SH3KBP1: variants seen among roughly 807,000 people sequenced by gnomAD.
SH3KBP1 encodes SH3 domain containing kinase binding protein 1, also known as SH3 domain-containing kinase-binding protein 1.
In SH3KBP1, 8 loss-of-function variants were observed where a neutral mutation model predicts 50.1. The ratio of observed to expected loss-of-function variants is 0.16; its 90% confidence interval spans 0.09 to 0.29. The LOEUF (loss-of-function observed/expected upper bound fraction) is 0.29. Ranked by LOEUF, SH3KBP1 falls within the 10% of genes least tolerant of loss-of-function variation. The pLI is 1.00. For synonymous variants in SH3KBP1, 227 were observed against 218.6 expected (o/e 1.04, Z -0.34); for missense variants, 377 against 535.2 (o/e 0.70, Z 2.92).
At chrX:19,671,266 TAGAG>T (rs1249015378) in intron 6 of SH3KBP1, among the ~76,000 whole-genome samples, 1 of 111,344 alleles carries the variant, frequency 9.0e-6, no homozygotes. Context: ...ATCACATGGC[TAGAG>T]AGTGAGGGAT....
At chrX:19,570,051 G>A (rs2065961586) in intron 12 of SH3KBP1, among the ~76,000 whole-genome samples, 3 of 112,126 alleles carry the variant, frequency 2.7e-5, no homozygotes, top group South Asian at 3.7e-4. Context: ...TCACCGCCCC[G>A]AAGGCCACCA....
chrX:19,551,272 G>C (rs1322982726), intron 13 of SH3KBP1, among the ~76,000 whole-genome samples: 1 of 111,211 alleles, frequency 9.0e-6, no homozygotes, highest in Non-Finnish European at 1.9e-5. Context: ...TTAACCATCC[G>C]CAGAGATGGC....
intron 2 of SH3KBP1, among the ~76,000 whole-genome samples, chrX:19,769,232 G>A (rs1175287212): frequency 1.9e-5 from 2 of 106,442 alleles, no homozygotes; most frequent in Admixed American, 1.0e-4. Context: ...CTACAGGCAT[G>A]CACCACCATG....
chrX:19,611,100 G>A (rs905020423), intron 8 of SH3KBP1, among the ~76,000 whole-genome samples: 15 of 110,633 alleles, frequency 1.4e-4, no homozygotes, highest in Non-Finnish European at 2.5e-4. Flanking sequence ...TGCCCAGGCT[G>A]GTCTTGAACT....
intron 2 of SH3KBP1, among the ~76,000 whole-genome samples, chrX:19,813,199 T>C (rs1229333369): frequency 9.3e-6 from 1 of 107,634 alleles, no homozygotes; most frequent in Non-Finnish European, 1.9e-5. Flanking sequence ...AGGAAAGAAC[T>C]AACTTGCACC....
intron 3 of SH3KBP1, among the ~76,000 whole-genome samples, chrX:19,731,001 G>A (rs1471717292): frequency 7.2e-5 from 8 of 111,531 alleles, no homozygotes; most frequent in Admixed American, 2.8e-4. Context: ...GTGCAATGGC[G>A]CAATCTCAGC....
At chrX:19,877,299 A>C (rs1280844445) in intron 1 of SH3KBP1, among the ~76,000 whole-genome samples, 1 of 112,015 alleles carries the variant, frequency 8.9e-6, no homozygotes, top group East Asian at 2.8e-4. Flanking sequence ...ACTTCTGTCA[A>C]GTGAATTTGA....
At chrX:19,735,673 A>G (rs1243921068) in intron 3 of SH3KBP1, among the ~76,000 whole-genome samples, 1 of 89,493 alleles carries the variant, frequency 1.1e-5, no homozygotes, top group Non-Finnish European at 2.1e-5. Context: ...TGGAGAATAT[A>G]CTTCGTATGA....
chrX:19,572,254 CAT>C (rs769190089), intron 12 of SH3KBP1, among the ~76,000 whole-genome samples: 18 of 104,156 alleles, frequency 1.7e-4, no homozygotes, highest in East Asian at 8.7e-4. Context: ...ATATAGAGTA[CAT>C]ATATGTTATA....
chrX:19,843,610 C>T (rs373861789), intron 1 of SH3KBP1, among the ~76,000 whole-genome samples: 1 of 111,167 alleles, frequency 9.0e-6, no homozygotes. Context: ...TCAGCTTCCC[C>T]AACAAAGACA....
chrX:19,855,171 A>AG (rs778468195), intron 1 of SH3KBP1, among the ~76,000 whole-genome samples: 7 of 110,551 alleles, frequency 6.3e-5, no homozygotes, highest in South Asian at 3.8e-4. Context: ...TTTAGTAGAG[A>AG]GGGGGTTTCA....
At chrX:19,646,445 C>T (rs1275318968) in intron 6 of SH3KBP1, among the ~76,000 whole-genome samples, 5 of 111,726 alleles carry the variant, frequency 4.5e-5, no homozygotes, top group Non-Finnish European at 9.4e-5. Context: ...ATGATTGATG[C>T]CTGAGGGAAA....
At chrX:19,861,378 A>T (rs918411267) in intron 1 of SH3KBP1, among the ~76,000 whole-genome samples, 1 of 110,928 alleles carries the variant, frequency 9.0e-6, no homozygotes, top group Non-Finnish European at 1.9e-5. Context: ...CTCTGTCTCA[A>T]AAAAATAAAT....
Position 19,686,427 on chromosome X carries a change from C to T in SH3KBP1, c.521-2399G>A, listed in dbSNP as rs996525107. On this transcript the variant is annotated intron_variant, in intron 5 of 17. Coordinates refer to ENST00000397821, the MANE Select transcript of SH3KBP1 (RefSeq NM_031892.3). ...TGCAACCCAGAGTGTGGACTGTGGA[C>T]GGGGGCTGGTTCATGAAGGGCTCAT... Among the ~76,000 whole-genome samples, 22 of 111,066 alleles carry T rather than the reference C, an allele frequency of 2.0e-4. 1 individual carries two copies. Among genetic ancestry groups the T allele is most frequent in the African/African-American group, 7.2e-4 (22 of 30,497 alleles).
chrX:19,715,092 G>A (rs2063874767), intron 3 of SH3KBP1, among the ~76,000 whole-genome samples: 3 of 110,591 alleles, frequency 2.7e-5, no homozygotes, highest in Admixed American at 1.9e-4. Context: ...TGGGCAACAT[G>A]GCAAAACTTC....
intron 2 of SH3KBP1, among the ~76,000 whole-genome samples, chrX:19,830,135 G>A (rs2067824763): frequency 9.0e-6 from 1 of 110,969 alleles, no homozygotes; most frequent in African/African-American, 3.3e-5. Context: ...ATCTCGTCCT[G>A]TGACTTAGAA....
At chrX:19,719,877 T>TAAC (rs1156282773) in intron 3 of SH3KBP1, among the ~76,000 whole-genome samples, 1 of 103,553 alleles carries the variant, frequency 9.7e-6, no homozygotes, top group Non-Finnish European at 1.9e-5. Context: ...ATAATAATAA[T>TAAC]AACAATAATA....
At chrX:19,625,663 T>C (rs1185986328) in intron 8 of SH3KBP1, among the ~76,000 whole-genome samples, 1 of 111,957 alleles carries the variant, frequency 8.9e-6, no homozygotes, top group Non-Finnish European at 1.9e-5. Context: ...GGTGATGGCA[T>C]GGTAATACTG....
At chrX:19,722,569 G>GGTGTGTGTGT (rs55675573) in intron 3 of SH3KBP1, among the ~76,000 whole-genome samples, 30 of 84,236 alleles carry the variant, frequency 3.6e-4, no homozygotes, top group African/African-American at 1.1e-3. Context: ...CGTGCGCACT[G>GGTGTGTGTGT]GTGTGTGTGT....
Sources: gnomAD v4.1 joint callset for allele counts (sites outside exome capture counted in the v4.1 genomes callset) on GRCh38, gnomAD v4.1.1 for gene constraint, MANE v1.5 for transcripts, NCBI Gene and HGNC (gene_info 2026-07-23, HGNC 2026-07-21) for gene names.